The following BEND6 variants were observed in gnomAD, a reference collection of about 807,000 sequenced individuals.
BEND6 encodes BEN domain-containing protein 6.
BEND6 carries 24 observed loss-of-function variants against 31.8 expected under a neutral mutation model. That is an observed-to-expected ratio of 0.75 (90% CI 0.55 to 1.06). The LOEUF is 1.06. BEND6 is among the 50% of genes least tolerant of loss of function. BEND6 has a pLI of 0.00. For synonymous variants in BEND6, 109 were observed against 114.6 expected (o/e 0.95, Z 0.31); for missense variants, 294 against 327.4 (o/e 0.90, Z 0.79).
chr6:56,972,314 C>T (rs1165664508), intron 1 of BEND6, among the ~76,000 whole-genome samples: 2 of 151,940 alleles, frequency 1.3e-5, no homozygotes, highest in African/African-American at 2.4e-5. Flanking sequence ...AGGCTGGTCT[C>T]GAACCTCTGA....
At chr6:56,961,260 T>C (rs962697016) in intron 1 of BEND6, among the ~76,000 whole-genome samples, 2 of 152,152 alleles carry the variant, frequency 1.3e-5, no homozygotes, top group Admixed American at 6.6e-5. Flanking sequence ...GGACTATCCG[T>C]CCATGGTTAG....
At chr6:56,984,164 TGA>T (rs1257954915) in intron 2 of BEND6, among the ~76,000 whole-genome samples, 24 of 151,714 alleles carry the variant, frequency 1.6e-4, no homozygotes, top group Non-Finnish European at 1.2e-4. Context: ...CAGGCTGCAG[TGA>T]GCTGTGTTCC....
At chr6:56,967,541 A>C (rs1015953763) in intron 1 of BEND6, among the ~76,000 whole-genome samples, 2 of 152,150 alleles carry the variant, frequency 1.3e-5, no homozygotes, top group Non-Finnish European at 2.9e-5. Flanking sequence ...GGGAGCCCAA[A>C]CAGGTCAAAC....
chr6:56,957,874 A>G (rs999344983), intron 1 of BEND6, among the ~76,000 whole-genome samples: 1 of 152,198 alleles, frequency 6.6e-6, no homozygotes, highest in African/African-American at 2.4e-5. Context: ...TTCTCAACCA[A>G]ATTGGGAATA....
rs1363811861 is a variant in BEND6, at chr6:56,957,870, A to G, written c.-101+2410A>G. Among the ~76,000 whole-genome samples the G allele has an allele frequency of 2.6e-5, 4 of 152,202 alleles. No individual in the cohort carries two copies. The South Asian group carries it at 6.2e-4, about 24-fold the overall frequency. On this transcript the variant is annotated intron_variant, in intron 1 of 6. Coordinates refer to ENST00000370746, the MANE Select transcript of BEND6 (RefSeq NM_152731.3). ...AGCCCTTCTTCCCTTTAGATTCTCA[A>G]CCAAATTGGGAATAGACACAAGGAA...
intron 4 of BEND6, among the ~76,000 whole-genome samples, chr6:57,016,527 C>A (rs1359826725): frequency 6.6e-6 from 1 of 152,136 alleles, no homozygotes; most frequent in Non-Finnish European, 1.5e-5. Context: ...CTGAATTCCC[C>A]ATTTTCTTGC....
intron 1 of BEND6, among the ~76,000 whole-genome samples, chr6:56,969,202 C>T (rs1473065366): frequency 6.6e-6 from 1 of 152,178 alleles, no homozygotes; most frequent in African/African-American, 2.4e-5. Context: ...GAAAGCCATG[C>T]ATTTGTTTTG....
intron 3 of BEND6, among the ~76,000 whole-genome samples, chr6:56,997,290 C>G (rs1393048582): frequency 6.6e-6 from 1 of 152,130 alleles, no homozygotes; most frequent in Non-Finnish European, 1.5e-5. Context: ...TTTTCCGTGA[C>G]CTTCCTCCCA....
chr6:57,015,151 C>A lies in BEND6; in HGVS notation c.317C>A (p.Thr106Asn). The A allele has an allele frequency of 6.2e-7, 1 of 1,614,052 alleles. No individual in the cohort carries two copies. The highest frequency in any genetic ancestry group is 8.5e-7 in the Non-Finnish European group (1 of 1,179,950). The change falls in exon 4 of 7, where the codon ACC becomes AAC. Residue 106 changes from threonine to asparagine, a missense_variant. Physicochemically the swap from Thr to Asn is moderately conservative, Grantham distance 65 (BLOSUM62 0). Transcript: ENST00000370746. ...ATTTTAGTGTTACCACAAGCAGTCA[C>A]CCAGTTTGAAGAATTGGTTGGTATG... ...VMLQVLPQAV[T>N]QFEELVGMAE...
At chr6:56,975,852 G>A in intron 1 of BEND6, 1 of 528,812 alleles carries the variant, frequency 1.9e-6, no homozygotes, top group South Asian at 1.5e-5. Flanking sequence ...GACCTCTAAT[G>A]CCTATGTTCA....
At chr6:56,991,835 A>G (rs1331680583) in intron 2 of BEND6, among the ~76,000 whole-genome samples, 1 of 151,602 alleles carries the variant, frequency 6.6e-6, no homozygotes, top group Non-Finnish European at 1.5e-5. Flanking sequence ...ACTACCCCAC[A>G]CTCCCCTCCA....
chr6:56,979,155 T>G (rs1419466572), intron 1 of BEND6, among the ~76,000 whole-genome samples: 2 of 152,200 alleles, frequency 1.3e-5, no homozygotes, highest in Non-Finnish European at 2.9e-5. Flanking sequence ...ATCCATTTTA[T>G]TGTGCAATTT....
chr6:56,965,538 T>G (rs1225353984), intron 1 of BEND6, among the ~76,000 whole-genome samples: 1 of 151,800 alleles, frequency 6.6e-6, no homozygotes, highest in East Asian at 1.9e-4. Context: ...GCTAGGATTT[T>G]CAGTGAGAGA....
intron 6 of BEND6, among the ~76,000 whole-genome samples, chr6:57,023,480 C>T (rs1442994488): frequency 1.3e-5 from 2 of 152,174 alleles, no homozygotes; most frequent in African/African-American, 4.8e-5. Flanking sequence ...TCTATTTCTA[C>T]ACCTTCACTT....
intron 1 of BEND6, among the ~76,000 whole-genome samples, chr6:56,966,093 TTTTG>T (rs901176469): frequency 9.2e-5 from 14 of 152,062 alleles, no homozygotes; most frequent in South Asian, 4.2e-4. Flanking sequence ...GTGGTTTGTT[TTTTG>T]TTTGTTTGTT....
chr6:56,995,328 A>C (rs1233378266), intron 3 of BEND6, among the ~76,000 whole-genome samples: 1 of 151,194 alleles, frequency 6.6e-6, no homozygotes, highest in Non-Finnish European at 1.5e-5. Context: ...GACTATACAC[A>C]CTCTATTCAG....
chr6:56,991,146 T>A (rs998244134), intron 2 of BEND6, among the ~76,000 whole-genome samples: 2 of 152,218 alleles, frequency 1.3e-5, no homozygotes, highest in African/African-American at 4.8e-5. Context: ...TAATTAAGCC[T>A]TCTTATCTCT....
intron 2 of BEND6, among the ~76,000 whole-genome samples, chr6:56,982,725 G>A (rs1261947383): frequency 1.3e-5 from 2 of 151,746 alleles, no homozygotes; most frequent in African/African-American, 2.4e-5. Flanking sequence ...TCACATCCCT[G>A]TCTCCCACCT....
At chr6:56,977,149 T>C (rs770657996) in intron 1 of BEND6, among the ~76,000 whole-genome samples, 4 of 152,256 alleles carry the variant, frequency 2.6e-5, no homozygotes, top group Admixed American at 6.5e-5. Context: ...AATTGAATTA[T>C]ACTTGACTGC....
Sources: allele counts gnomAD v4.1 joint callset (sites outside exome capture counted in the v4.1 genomes callset), GRCh38; gene constraint gnomAD v4.1.1; transcripts MANE v1.5; gene names NCBI Gene and HGNC (gene_info 2026-07-23, HGNC 2026-07-21).